Variants in CHRM3 observed in about 807,000 individuals in gnomAD.
The protein encoded by CHRM3 is cholinergic receptor muscarinic 3, also known as muscarinic acetylcholine receptor M3.
In CHRM3, 11 loss-of-function variants were observed where a neutral mutation model predicts 41.8. That is an observed-to-expected ratio of 0.26 (90% CI 0.17 to 0.44). The LOEUF (loss-of-function observed/expected upper bound fraction) is 0.44. Among genes scored for constraint, CHRM3 ranks in the 20% least tolerant of loss-of-function variants. The pLI is 1.00. For missense variants in CHRM3, 571 were observed against 745.4 expected, an observed-to-expected ratio of 0.77 and a Z score of 2.72; for synonymous variants, 297 against 301.4, an observed-to-expected ratio of 0.99 and a Z score of 0.15.
intron 6 of CHRM3, among the ~76,000 whole-genome samples, chr1:239,843,840 A>T (rs4434828): frequency 0.97 from 146,984 of 152,108 alleles, 71,230 homozygotes; most frequent in East Asian, 1. Flanking sequence ...TTTGCCAAGT[A>T]TTCTCTGAAA....
At chr1:239,732,322 C>A (rs1447318715) in intron 5 of CHRM3, among the ~76,000 whole-genome samples, 1 of 9,478 alleles carries the variant, frequency 1.1e-4, no homozygotes, top group Non-Finnish European at 4.7e-4. Context: ...TACCTAATAT[C>A]TCACTTAGAT....
At chr1:239,892,191 G>C (rs1055263600) in intron 6 of CHRM3, among the ~76,000 whole-genome samples, 2 of 152,170 alleles carry the variant, frequency 1.3e-5, no homozygotes, top group South Asian at 4.1e-4. Flanking sequence ...AGAATTAATA[G>C]TGACATGAGC....
intron 5 of CHRM3, among the ~76,000 whole-genome samples, chr1:239,818,053 G>A (rs560689614): frequency 2.2e-4 from 33 of 152,150 alleles, no homozygotes; most frequent in African/African-American, 6.3e-4. Flanking sequence ...CAGCCTGGGC[G>A]GCTTAAACGA....
chr1:239,396,055 T>G (rs1204486604), intron 1 of CHRM3, among the ~76,000 whole-genome samples: 1 of 152,198 alleles, frequency 6.6e-6, no homozygotes, highest in Admixed American at 6.5e-5. Flanking sequence ...CCACGTTCTC[T>G]TGCTGCATAG....
intron 6 of CHRM3, among the ~76,000 whole-genome samples, chr1:239,858,321 G>A (rs1675290058): frequency 6.6e-6 from 1 of 152,050 alleles, no homozygotes; most frequent in Non-Finnish European, 1.5e-5. Flanking sequence ...CCCCTTTAGA[G>A]CTCGGTTTTA....
At chr1:239,819,391 A>G (rs1671852048) in intron 5 of CHRM3, among the ~76,000 whole-genome samples, 1 of 152,152 alleles carries the variant, frequency 6.6e-6, no homozygotes, top group African/African-American at 2.4e-5. Flanking sequence ...ATCAGCTATC[A>G]TTTTGGGTCC....
At chr1:239,584,232 T>C (rs1300481176) in intron 3 of CHRM3, among the ~76,000 whole-genome samples, 2 of 151,184 alleles carry the variant, frequency 1.3e-5, no homozygotes, top group African/African-American at 4.9e-5. Flanking sequence ...GCCTCCCGAG[T>C]AGCTGGGATT....
At chr1:239,808,095 CTGGTTGTTT>C (rs1288209050) in intron 5 of CHRM3, among the ~76,000 whole-genome samples, 3 of 151,992 alleles carry the variant, frequency 2.0e-5, no homozygotes, top group African/African-American at 7.3e-5. Context: ...TTTTGAAAAA[CTGGTTGTTT>C]TGACCCCATA....
intron 3 of CHRM3, among the ~76,000 whole-genome samples, chr1:239,592,571 C>A (rs1292518045): frequency 1.3e-5 from 2 of 151,978 alleles, no homozygotes; most frequent in Non-Finnish European, 2.9e-5. Flanking sequence ...TTGTGAGTGG[C>A]TTCTTTCACT....
At position 239,507,426 on chromosome 1, in the gene CHRM3, C is replaced by T. The variant is rs149296731; in HGVS notation, c.-422+14619C>T. On this transcript the variant is annotated intron_variant, in intron 2 of 6. Coordinates refer to ENST00000676153, the MANE Select transcript of CHRM3 (RefSeq NM_001375978.1). ...TTGTCTGCCACCATGTGAGACATGC[C>T]TCCACCTTCTACCATGATTGTGAGT... is the stretch of plus-strand genomic sequence containing the variant. Among the ~76,000 whole-genome samples, 507 of 152,292 alleles carry T rather than the reference C, an allele frequency of 3.3e-3. 1 individual carries two copies. Among genetic ancestry groups the T allele is most frequent in the African/African-American group, 0.012 (486 of 41,558 alleles).
intron 1 of CHRM3, among the ~76,000 whole-genome samples, chr1:239,487,857 CAAA>C (rs138469083): frequency 3.2e-5 from 3 of 93,772 alleles, no homozygotes; most frequent in Non-Finnish European, 6.6e-5. Flanking sequence ...GTAATATTTG[CAAA>C]AAAAAAAAAC....
chr1:239,784,928 T>G (rs549282700), intron 5 of CHRM3, among the ~76,000 whole-genome samples: 1 of 152,330 alleles, frequency 6.6e-6, no homozygotes, highest in South Asian at 2.1e-4. Context: ...TTTTTAGTTC[T>G]TTCATTTCTT....
At chr1:239,656,035 T>A (rs1454178805) in intron 4 of CHRM3, among the ~76,000 whole-genome samples, 4 of 152,160 alleles carry the variant, frequency 2.6e-5, no homozygotes, top group African/African-American at 9.6e-5. Flanking sequence ...TTATCCTAAG[T>A]GAATTAATGC....
chr1:239,611,389 C>T (rs1667011755), intron 3 of CHRM3, among the ~76,000 whole-genome samples: 1 of 148,754 alleles, frequency 6.7e-6, no homozygotes, highest in African/African-American at 2.5e-5. Context: ...CTATTAAACA[C>T]TGACCAAATC....
At chr1:239,870,716 T>G (rs549260217) in intron 6 of CHRM3, among the ~76,000 whole-genome samples, 18 of 152,334 alleles carry the variant, frequency 1.2e-4, no homozygotes, top group Non-Finnish European at 1.5e-5. Flanking sequence ...AGGCTCTCGT[T>G]AGCCACCTTC....
intron 3 of CHRM3, among the ~76,000 whole-genome samples, chr1:239,603,692 T>A (rs998432301): frequency 2.0e-5 from 3 of 152,106 alleles, no homozygotes; most frequent in African/African-American, 7.2e-5. Context: ...TAACCTTATA[T>A]GATTCGCTCA....
At chr1:239,584,864 A>G (rs1371625225) in intron 3 of CHRM3, among the ~76,000 whole-genome samples, 1 of 152,022 alleles carries the variant, frequency 6.6e-6, no homozygotes, top group East Asian at 1.9e-4. Context: ...GCACACATAA[A>G]CTGTAGTTCT....
chr1:239,614,233 G>A (rs547836363), intron 3 of CHRM3, among the ~76,000 whole-genome samples: 1 of 152,236 alleles, frequency 6.6e-6, no homozygotes, highest in East Asian at 1.9e-4. Flanking sequence ...AAAAACAAAA[G>A]AGCAGGGTAA....
At chr1:239,822,720 ATAATT>A (rs1318592000) in intron 5 of CHRM3, among the ~76,000 whole-genome samples, 1 of 152,248 alleles carries the variant, frequency 6.6e-6, no homozygotes, top group African/African-American at 2.4e-5. Context: ...AGCAAAGAAT[ATAATT>A]AATAAAAGTT....
Sources: gnomAD v4.1 joint callset for allele counts (sites outside exome capture counted in the v4.1 genomes callset) on GRCh38, gnomAD v4.1.1 for gene constraint, MANE v1.5 for transcripts, NCBI Gene and HGNC (gene_info 2026-07-23, HGNC 2026-07-21) for gene names.